PALM2AKAP2: variants seen among roughly 807,000 people sequenced by gnomAD.
PALM2AKAP2 encodes the protein PALM2 and AKAP2 fusion, also known as PALM2-AKAP2 fusion protein.
PALM2AKAP2 carries 37 observed loss-of-function variants against 71.5 expected under a neutral mutation model. The ratio of observed to expected loss-of-function variants is 0.52; its 90% CI spans 0.40 to 0.68. The LOEUF (loss-of-function observed/expected upper bound fraction) is 0.68, where lower values mean the gene tolerates loss of function less well. PALM2AKAP2 is among the 30% of genes least tolerant of loss of function. The pLI, the probability that PALM2AKAP2 is intolerant of heterozygous loss-of-function variation, is 0.00. For synonymous variants in PALM2AKAP2, 468 were observed against 478.8 expected (o/e 0.98, Z 0.29); for missense variants, 1,224 against 1,191.8 (o/e 1.03, Z -0.40).
intron 1 of PALM2AKAP2, among the ~76,000 whole-genome samples, chr9:109,750,705 T>C (rs1460404469): frequency 6.6e-6 from 1 of 152,028 alleles, no homozygotes; most frequent in Non-Finnish European, 1.5e-5. Flanking sequence ...GAAAATAATT[T>C]GTTTTTTTCT....
intron 3 of PALM2AKAP2, among the ~76,000 whole-genome samples, chr9:109,920,630 C>T (rs932693453): frequency 9.9e-5 from 15 of 151,968 alleles, no homozygotes; most frequent in African/African-American, 3.1e-4. Flanking sequence ...ACGCCTGCCT[C>T]GGCCTCCCAA....
At chr9:109,924,594 C>T (rs1422575230) in intron 4 of PALM2AKAP2, among the ~76,000 whole-genome samples, 8 of 151,908 alleles carry the variant, frequency 5.3e-5, no homozygotes, top group African/African-American at 1.5e-4. Flanking sequence ...AGCAAGACTG[C>T]GTCTCAAAAA....
chr9:109,845,314 G>A (rs1469363539), intron 1 of PALM2AKAP2, among the ~76,000 whole-genome samples: 1 of 152,214 alleles, frequency 6.6e-6, no homozygotes, highest in Non-Finnish European at 1.5e-5. Flanking sequence ...GCTAGAGTAA[G>A]GACATTTCAC....
chr9:109,854,419 G>A (rs1263189329), intron 1 of PALM2AKAP2, among the ~76,000 whole-genome samples: 1 of 152,230 alleles, frequency 6.6e-6, no homozygotes, highest in African/African-American at 2.4e-5. Context: ...TGTCACTGGT[G>A]ATGGTTATTC....
At chr9:109,719,898 T>G (rs1828380316) in intron 1 of PALM2AKAP2, among the ~76,000 whole-genome samples, 1 of 152,192 alleles carries the variant, frequency 6.6e-6, no homozygotes, top group Non-Finnish European at 1.5e-5. Flanking sequence ...AGGAAGCTCT[T>G]GACTATGGAC....
At chr9:109,942,540 A>G (rs1408239228) in intron 6 of PALM2AKAP2, 1 of 786,360 alleles carries the variant, frequency 1.3e-6, no homozygotes, top group African/African-American at 1.7e-5. Flanking sequence ...CTTTATTCAC[A>G]GTGCGCACCT....
At chr9:110,035,552 A>G (rs1354285848) in intron 7 of PALM2AKAP2, among the ~76,000 whole-genome samples, 2 of 145,268 alleles carry the variant, frequency 1.4e-5, no homozygotes, top group Non-Finnish European at 3.0e-5. Flanking sequence ...TGTGTGTTAT[A>G]TATAACATAT....
chr9:110,137,792 G>T (rs1280013991), exon 2 of PALM2AKAP2: 1 of 1,614,110 alleles, frequency 6.2e-7, no homozygotes, highest in Non-Finnish European at 8.5e-7. Flanking sequence ...AAATTCACTG[G>T]CTGATTTTTC....
chr9:109,913,755 C>CTTTTTT (rs35024326), intron 3 of PALM2AKAP2, among the ~76,000 whole-genome samples: 1 of 102,964 alleles, frequency 9.7e-6, no homozygotes. Context: ...ATGCTTATTT[C>CTTTTTT]TTTTTTTTTT....
chr9:109,825,207 A>T (rs963692803), intron 1 of PALM2AKAP2, among the ~76,000 whole-genome samples: 2 of 152,234 alleles, frequency 1.3e-5, no homozygotes, highest in African/African-American at 4.8e-5. Flanking sequence ...TACAAAAATT[A>T]ATTCAAGATG....
rs554064044 is a variant in PALM2AKAP2 at position 109,751,083 on chromosome 9, A to G, written c.6-29405A>G. On this transcript the variant is annotated intron_variant, in intron 1 of 6. Transcript: ENST00000374531. ...AGTCTTTCAAAATATACCTGAATCC[A>G]GCCAGGCAACCCTAGATTTTCAGTT... Among the ~76,000 whole-genome samples, 3 of 152,270 alleles carry G rather than the reference A, an allele frequency of 2.0e-5. No homozygotes were observed. In the South Asian group the frequency reaches 6.2e-4, roughly 32 times the overall value.
At chr9:109,831,807 T>C (rs532197631) in intron 1 of PALM2AKAP2, among the ~76,000 whole-genome samples, 1 of 152,354 alleles carries the variant, frequency 6.6e-6, no homozygotes, top group African/African-American at 2.4e-5. Flanking sequence ...TCTATCTTTC[T>C]GATTGCTGCA....
chr9:109,751,511 A>C (rs1828885782), intron 1 of PALM2AKAP2, among the ~76,000 whole-genome samples: 2 of 152,168 alleles, frequency 1.3e-5, no homozygotes, highest in Non-Finnish European at 2.9e-5. Flanking sequence ...TTTGGCTAGC[A>C]TCCCCTTCAT....
chr9:109,805,815 T>C (rs1827556611), intron 1 of PALM2AKAP2, among the ~76,000 whole-genome samples: 1 of 152,206 alleles, frequency 6.6e-6, no homozygotes, highest in African/African-American at 2.4e-5. Context: ...TTAGGATACA[T>C]TTGCTAAAAT....
At chr9:109,857,411 G>T (rs1587964376) in intron 1 of PALM2AKAP2, among the ~76,000 whole-genome samples, 1 of 152,224 alleles carries the variant, frequency 6.6e-6, no homozygotes, top group Non-Finnish European at 1.5e-5. Flanking sequence ...ATTGCTGAAG[G>T]TTCCAACACA....
chr9:109,828,470 A>T (rs1381284280), intron 1 of PALM2AKAP2, among the ~76,000 whole-genome samples: 1 of 152,204 alleles, frequency 6.6e-6, no homozygotes, highest in East Asian at 1.9e-4. Flanking sequence ...TCTGTTCATC[A>T]AGCATCGGTC....
chr9:110,136,748 A>C (rs746855386), exon 2 of PALM2AKAP2: 3 of 1,614,200 alleles, frequency 1.9e-6, no homozygotes, highest in Non-Finnish European at 2.5e-6. Flanking sequence ...GTTCACTCTC[A>C]CCACACTGAA....
chr9:109,789,431 G>A (rs549625378), intron 1 of PALM2AKAP2, among the ~76,000 whole-genome samples: 132 of 152,330 alleles, frequency 8.7e-4, no homozygotes, highest in African/African-American at 3.0e-3. Flanking sequence ...TATGAAGCCA[G>A]TCTGTGTATA....
rs10611227 is a variant in PALM2AKAP2, at chr9:109,711,993, TTGTG to T, written c.6-68470_6-68467del. Among the ~76,000 whole-genome samples, 666 of 148,648 alleles carry T rather than the reference TTGTG, an allele frequency of 4.5e-3. 7 individuals carry two copies. The highest frequency in any genetic ancestry group is 0.012 in the African/African-American group (476 of 40,654). The stretch of plus-strand genomic sequence containing the variant: ...CATGTGCCTGTCCTTGTGTGAGTGC[TTGTG>T]TGTGTGTGTGTGTGTGTGTGTGTGA... On this transcript the variant is annotated intron_variant, in intron 1 of 6. Transcript: ENST00000374531.
Sources: gnomAD v4.1 joint callset for allele counts (sites outside exome capture counted in the v4.1 genomes callset) on GRCh38, gnomAD v4.1.1 for gene constraint, MANE v1.5 for transcripts, NCBI Gene and HGNC (gene_info 2026-07-23, HGNC 2026-07-21) for gene names.